CNTN5: variants seen among roughly 807,000 people sequenced by gnomAD.
The protein encoded by CNTN5 is contactin-5.
In CNTN5, 77 loss-of-function variants were observed where a neutral mutation model predicts 129.1. The ratio of observed to expected loss-of-function variants is 0.60; its 90% CI spans 0.50 to 0.72. The LOEUF (loss-of-function observed/expected upper bound fraction) is 0.72, where lower values mean the gene tolerates loss of function less well. Among genes scored for constraint, CNTN5 ranks in the 30% least tolerant of loss-of-function variants. The probability of loss-of-function intolerance (pLI) is 0.00; values close to 1 mark genes in which losing one functional copy is unlikely to be tolerated. For missense variants in CNTN5, 1,478 were observed against 1,328.8 expected (o/e 1.11, Z -1.75); for synonymous variants, 509 against 465.6 (o/e 1.09, Z -1.20).
At chr11:99,825,634 A>G (rs1946930097) in intron 4 of CNTN5, among the ~76,000 whole-genome samples, 1 of 151,992 alleles carries the variant, frequency 6.6e-6, no homozygotes, top group African/African-American at 2.4e-5. Flanking sequence ...ATATTTTGCC[A>G]TTACTCTTGA....
intron 2 of CNTN5, among the ~76,000 whole-genome samples, chr11:99,356,445 C>G (rs1318285325): frequency 2.6e-5 from 4 of 152,214 alleles, no homozygotes; most frequent in African/African-American, 9.7e-5. Context: ...TACAGGATTG[C>G]TCAGTCAATC....
chr11:99,680,128 C>T (rs1300050859), intron 3 of CNTN5, among the ~76,000 whole-genome samples: 1 of 152,136 alleles, frequency 6.6e-6, no homozygotes, highest in Non-Finnish European at 1.5e-5. Context: ...AAAGATGAAG[C>T]AGAAAGTGCT....
intron 1 of CNTN5, among the ~76,000 whole-genome samples, chr11:99,162,828 T>A (rs1860680878): frequency 6.6e-6 from 1 of 152,314 alleles, no homozygotes; most frequent in Non-Finnish European, 1.5e-5. Context: ...AAATAAATGA[T>A]CAGTGAATGT....
intron 2 of CNTN5, among the ~76,000 whole-genome samples, chr11:99,332,506 G>A (rs1375230166): frequency 3.3e-5 from 5 of 152,004 alleles, no homozygotes; most frequent in Non-Finnish European, 7.4e-5. Flanking sequence ...CAGTTGATAT[G>A]GCTGATAGTC....
At chr11:100,327,371 C>T (rs998255334) in intron 21 of CNTN5, among the ~76,000 whole-genome samples, 4 of 152,182 alleles carry the variant, frequency 2.6e-5, no homozygotes, top group Non-Finnish European at 4.4e-5. Flanking sequence ...AGCCCCACAT[C>T]CCCCTCTTTC....
At position 99,378,745 on chromosome 11, in the gene CNTN5, T is replaced by TA. The variant is rs1366778022; in HGVS notation, c.-71+53269dup. Among the ~76,000 whole-genome samples the TA allele has an allele frequency of 3.3e-5, 5 of 151,822 alleles. No individual in the cohort carries two copies. In the South Asian group the frequency reaches 6.2e-4, roughly 19 times the overall value. On this transcript the variant is annotated intron_variant, in intron 2 of 24. Transcript: ENST00000524871. ...ATGTAGAAAATCACTAGGCTAGGTT[T>TA]AAAAAAAAGTGAGAAAGGAAATAAT...
chr11:99,507,432 A>C (rs985748324), intron 2 of CNTN5, among the ~76,000 whole-genome samples: 5 of 151,494 alleles, frequency 3.3e-5, no homozygotes, highest in Admixed American at 6.6e-5. Context: ...CCCATTAAAT[A>C]TAATGTATAT....
intron 8 of CNTN5, among the ~76,000 whole-genome samples, chr11:99,960,130 G>A (rs1950903878): frequency 6.6e-6 from 1 of 152,108 alleles, no homozygotes; most frequent in Admixed American, 6.6e-5. Flanking sequence ...GGTTACTCAA[G>A]CTTAAACAAT....
intron 9 of CNTN5, among the ~76,000 whole-genome samples, chr11:100,045,915 A>G (rs958510263): frequency 4.6e-5 from 7 of 152,188 alleles, no homozygotes; most frequent in Non-Finnish European, 8.8e-5. Context: ...AGCAATGAAG[A>G]AAGACATCAA....
At chr11:99,078,838 A>T (rs758882084) in intron 1 of CNTN5, among the ~76,000 whole-genome samples, 3 of 152,068 alleles carry the variant, frequency 2.0e-5, no homozygotes, top group Non-Finnish European at 4.4e-5. Context: ...GTTAGTGGAT[A>T]TAAAAATATA....
chr11:100,318,312 C>A (rs549336849), intron 21 of CNTN5, among the ~76,000 whole-genome samples: 49 of 151,434 alleles, frequency 3.2e-4, no homozygotes, highest in Admixed American at 8.5e-4. Flanking sequence ...TATTGCACCA[C>A]CTCTAAACAG....
chr11:100,140,972 T>TAA (rs1355267581), intron 13 of CNTN5, among the ~76,000 whole-genome samples: 2 of 152,094 alleles, frequency 1.3e-5, no homozygotes, highest in Non-Finnish European at 1.5e-5. Context: ...GGCATGAGCG[T>TAA]TGTACAGAAA....
At chr11:99,978,036 T>A (rs900784099) in intron 8 of CNTN5, among the ~76,000 whole-genome samples, 1 of 152,268 alleles carries the variant, frequency 6.6e-6, no homozygotes, top group African/African-American at 2.4e-5. Flanking sequence ...AGTGGTCTCA[T>A]GACATTATAA....
chr11:100,293,785 C>G (rs745573966), intron 18 of CNTN5, among the ~76,000 whole-genome samples: 1 of 151,674 alleles, frequency 6.6e-6, no homozygotes, highest in Non-Finnish European at 1.5e-5. Flanking sequence ...ACCACTTTAT[C>G]TACCCTAATA....
intron 9 of CNTN5, among the ~76,000 whole-genome samples, chr11:100,019,201 G>T (rs1448861977): frequency 1.3e-5 from 2 of 151,878 alleles, no homozygotes; most frequent in Non-Finnish European, 2.9e-5. Flanking sequence ...TAGTGCCATA[G>T]CTAAGATATA....
At chr11:99,277,117 A>C (rs1863476970) in intron 1 of CNTN5, among the ~76,000 whole-genome samples, 1 of 151,720 alleles carries the variant, frequency 6.6e-6, no homozygotes. Context: ...ATATACATAG[A>C]AGAATATGCT....
At chr11:99,046,038 G>A (rs1377786647) in intron 1 of CNTN5, among the ~76,000 whole-genome samples, 1 of 152,078 alleles carries the variant, frequency 6.6e-6, no homozygotes, top group African/African-American at 2.4e-5. Flanking sequence ...CCTGTAACTT[G>A]CAAAAGTCTA....
intron 9 of CNTN5, among the ~76,000 whole-genome samples, chr11:100,051,381 C>T (rs1315686317): frequency 6.6e-6 from 1 of 151,886 alleles, no homozygotes; most frequent in African/African-American, 2.4e-5. Flanking sequence ...ATTCAAAACA[C>T]ACATCTAAAT....
intron 3 of CNTN5, among the ~76,000 whole-genome samples, chr11:99,795,294 G>A (rs565408696): frequency 4.6e-4 from 70 of 152,238 alleles, no homozygotes; most frequent in Non-Finnish European, 8.5e-4. Flanking sequence ...TCTTAAAATG[G>A]CATTTTTGTC....
Sources: allele counts gnomAD v4.1 joint callset (sites outside exome capture counted in the v4.1 genomes callset), GRCh38; gene constraint gnomAD v4.1.1; transcripts MANE v1.5; gene names NCBI Gene and HGNC (gene_info 2026-07-23, HGNC 2026-07-21).